CNOT6L: variants seen among roughly 807,000 people sequenced by gnomAD.
CNOT6L encodes the protein CCR4-NOT transcription complex subunit 6-like.
CNOT6L carries 7 observed loss-of-function variants against 64.0 expected under a neutral mutation model. The ratio of observed to expected loss-of-function variants is 0.11; its 90% CI spans 0.06 to 0.21. The LOEUF (loss-of-function observed/expected upper bound fraction) is 0.21. Ranked by LOEUF, CNOT6L falls within the 10% of genes least tolerant of loss-of-function variation. The probability of loss-of-function intolerance (pLI) is 1.00; values close to 1 mark genes in which losing one functional copy is unlikely to be tolerated. For synonymous variants in CNOT6L, 193 were observed against 243.4 expected, an observed-to-expected ratio of 0.79 and a Z score of 1.93; for missense variants, 245 against 669.0, an observed-to-expected ratio of 0.37 and a Z score of 6.99.
intron 5 of CNOT6L, among the ~76,000 whole-genome samples, chr4:77,754,618 TTAGAA>T (rs1725247855): frequency 6.6e-6 from 1 of 151,944 alleles, no homozygotes; most frequent in East Asian, 1.9e-4. Context: ...CCAAAATTCT[TTAGAA>T]TAGGTCAAGG....
chr4:77,795,176 C>T (rs1045686969), intron 1 of CNOT6L, among the ~76,000 whole-genome samples: 7 of 151,874 alleles, frequency 4.6e-5, no homozygotes, highest in Non-Finnish European at 8.8e-5. Flanking sequence ...TGCGCCACCA[C>T]GGCTGGCTAA....
At chr4:77,778,546 C>T (rs1299894439) in intron 1 of CNOT6L, among the ~76,000 whole-genome samples, 6 of 152,026 alleles carry the variant, frequency 3.9e-5, no homozygotes, top group South Asian at 2.1e-4. Flanking sequence ...GCTGAGGTTA[C>T]GGGCGCGTGT....
At chr4:77,810,649 C>T (rs1461307917) in intron 1 of CNOT6L, among the ~76,000 whole-genome samples, 1 of 152,092 alleles carries the variant, frequency 6.6e-6, no homozygotes, top group African/African-American at 2.4e-5. Flanking sequence ...GCATTTGGAA[C>T]ATTCAATATT....
chr4:77,743,768 A>G (rs149788450), intron 7 of CNOT6L, among the ~76,000 whole-genome samples: 7,640 of 151,540 alleles, frequency 0.05, 231 homozygotes, highest in African/African-American at 0.085. Flanking sequence ...TGCCTGGCTA[A>G]TTTTTGCATT....
Position 77,718,769 on chromosome 4 carries a change from A to G in CNOT6L, c.*1662T>C, listed in dbSNP as rs1349947160. 1 of 152,628 alleles carries G rather than the reference A, an allele frequency of 6.6e-6. No homozygotes were observed. The highest frequency in any genetic ancestry group is 6.6e-5 in the Admixed American group (1 of 15,260). 9.5% of individuals were successfully genotyped at this position (152,628 alleles called of 1,614,324 possible). On this transcript the variant is annotated 3_prime_UTR_variant, in exon 12 of 12. Transcript: ENST00000504123. ...TGGAAGAAATTAGCATAAAATGACC[A>G]AAGTAAATGCATCATTTAAGACTAA...
chr4:77,793,582 T>G (rs562829849), intron 1 of CNOT6L, among the ~76,000 whole-genome samples: 1 of 151,814 alleles, frequency 6.6e-6, no homozygotes, highest in African/African-American at 2.4e-5. Context: ...TCTCTTATGA[T>G]GGACTTGGAA....
At chr4:77,757,658 A>G (rs1477379068) in intron 4 of CNOT6L, among the ~76,000 whole-genome samples, 4 of 152,230 alleles carry the variant, frequency 2.6e-5, no homozygotes, top group South Asian at 2.1e-4. Flanking sequence ...GTTCTGTTAA[A>G]TAACAAATCA....
intron 11 of CNOT6L, among the ~76,000 whole-genome samples, chr4:77,721,038 T>C (rs1026087184): frequency 6.6e-6 from 1 of 152,224 alleles, no homozygotes; most frequent in South Asian, 2.1e-4. Flanking sequence ...AGCACATACA[T>C]AGTTAACGGT....
chr4:77,742,119 G>A, intron 8 of CNOT6L, 22 bp downstream of exon 8: 1 of 1,604,504 alleles, frequency 6.2e-7, no homozygotes, highest in South Asian at 1.1e-5. Context: ...GTACACCATT[G>A]TGCTTTGTTT....
intron 1 of CNOT6L, among the ~76,000 whole-genome samples, chr4:77,807,057 A>G (rs1406451986): frequency 1.3e-5 from 2 of 152,072 alleles, no homozygotes; most frequent in African/African-American, 4.8e-5. Context: ...TTGTATTTTT[A>G]ATAGAGAGGG....
chr4:77,800,808 G>A (rs900836248), intron 1 of CNOT6L, among the ~76,000 whole-genome samples: 8 of 152,106 alleles, frequency 5.3e-5, no homozygotes, highest in African/African-American at 1.9e-4. Flanking sequence ...ACTTGATAAA[G>A]TATAAAGAAA....
intron 5 of CNOT6L, among the ~76,000 whole-genome samples, chr4:77,754,415 G>C (rs1725224121): frequency 6.6e-6 from 1 of 152,016 alleles, no homozygotes; most frequent in South Asian, 2.1e-4. Flanking sequence ...ACTACTGAGA[G>C]AAATTATAAA....
intron 1 of CNOT6L, among the ~76,000 whole-genome samples, chr4:77,816,986 A>G (rs572129407): frequency 1.3e-5 from 2 of 152,320 alleles, no homozygotes; most frequent in African/African-American, 4.8e-5. Flanking sequence ...TTTACCTTAT[A>G]TTCAGAGAAA....
intron 1 of CNOT6L, among the ~76,000 whole-genome samples, chr4:77,799,578 G>A (rs1319332485): frequency 3.3e-5 from 5 of 151,782 alleles, no homozygotes; most frequent in Non-Finnish European, 5.9e-5. Context: ...GGTGGTGGGC[G>A]CCTGTAATCC....
At chr4:77,804,290 G>A (rs990412602) in intron 1 of CNOT6L, among the ~76,000 whole-genome samples, 11 of 152,030 alleles carry the variant, frequency 7.2e-5, no homozygotes, top group South Asian at 2.1e-4. Context: ...TGAGCCAGGC[G>A]TGGTGGTGGG....
chr4:77,810,019 A>G (rs1172498751), intron 1 of CNOT6L, among the ~76,000 whole-genome samples: 1 of 151,194 alleles, frequency 6.6e-6, no homozygotes, highest in African/African-American at 2.4e-5. Flanking sequence ...TTTAAAAATA[A>G]TAATAAATTG....
upstream of CNOT6L, among the ~76,000 whole-genome samples, chr4:77,819,839 G>A (rs2110209234): frequency 6.6e-6 from 1 of 151,648 alleles, no homozygotes; most frequent in African/African-American, 2.4e-5. Flanking sequence ...GGAGCGAGGA[G>A]ACAGACCGGG....
At chr4:77,797,590 G>C (rs1731013917) in intron 1 of CNOT6L, among the ~76,000 whole-genome samples, 1 of 152,174 alleles carries the variant, frequency 6.6e-6, no homozygotes, top group Non-Finnish European at 1.5e-5. Context: ...GAGTAGTGAT[G>C]CTGGAAATTC....
At chr4:77,751,996 A>G (rs1228855098) in intron 5 of CNOT6L, among the ~76,000 whole-genome samples, 1 of 152,174 alleles carries the variant, frequency 6.6e-6, no homozygotes, top group Admixed American at 6.5e-5. Flanking sequence ...ACATAGTGAG[A>G]TCCCATCTCT....
Sources: allele counts gnomAD v4.1 joint callset (sites outside exome capture counted in the v4.1 genomes callset), GRCh38; gene constraint gnomAD v4.1.1; transcripts MANE v1.5; gene names NCBI Gene and HGNC (gene_info 2026-07-23, HGNC 2026-07-21).